VRK2: variants seen among roughly 807,000 people sequenced by gnomAD.
VRK2 encodes the protein serine/threonine-protein kinase VRK2.
In VRK2, 60 loss-of-function variants were observed where a neutral mutation model predicts 57.6. The ratio of observed to expected loss-of-function variants is 1.04; its 90% CI spans 0.85 to 1.29. The LOEUF is 1.29. VRK2 is among the 50% of genes most tolerant of loss of function. The pLI is 0.00. For synonymous variants in VRK2, 231 were observed against 199.2 expected (o/e 1.16, Z -1.35); for missense variants, 705 against 588.1 (o/e 1.20, Z -2.06).
chr2:58,130,394 GTTT>G lies in VRK2; in HGVS notation c.677-1411_677-1409del, dbSNP rs143087830. 4.3e-3 allele frequency among the ~76,000 whole-genome samples: 651 copies of G among 152,258 alleles called. 7 individuals carry two copies. Among genetic ancestry groups the G allele is most frequent in the African/African-American group, 0.015 (619 of 41,538 alleles). ...TACAGAACACTGTGGTAGAGATTGT[GTTT>G]TTATTTTAATATGAGAGCCAAGTCT... is the stretch of plus-strand genomic sequence containing the variant. On this transcript the variant is annotated intron_variant, in intron 8 of 12. Coordinates refer to ENST00000340157, the MANE Select transcript of VRK2 (RefSeq NM_006296.7).
intron 1 of VRK2, among the ~76,000 whole-genome samples, chr2:57,965,611 A>G (rs1671892764): frequency 6.6e-6 from 1 of 152,210 alleles, no homozygotes; most frequent in Non-Finnish European, 1.5e-5. Flanking sequence ...CTTAGTGAAT[A>G]CTTCCATTAT....
chr2:58,117,747 A>C (rs1156933547), intron 7 of VRK2, among the ~76,000 whole-genome samples: 1 of 152,174 alleles, frequency 6.6e-6, no homozygotes, highest in Non-Finnish European at 1.5e-5. Flanking sequence ...TATTGGGGTC[A>C]AGCGGCATTG....
intron 3 of VRK2, among the ~76,000 whole-genome samples, chr2:58,038,546 G>A (rs1674346715): frequency 6.6e-6 from 1 of 152,018 alleles, no homozygotes; most frequent in South Asian, 2.1e-4. Context: ...CCCGAGTGTA[G>A]GATAATTATT....
chr2:57,930,964 T>A (rs56796021), intron 1 of VRK2, among the ~76,000 whole-genome samples: 1 of 152,092 alleles, frequency 6.6e-6, no homozygotes, highest in African/African-American at 2.4e-5. Context: ...TACATATACA[T>A]GTACTGAGTA....
At chr2:58,141,379 A>G (rs1681304497) in intron 11 of VRK2, among the ~76,000 whole-genome samples, 1 of 151,994 alleles carries the variant, frequency 6.6e-6, no homozygotes, top group Non-Finnish European at 1.5e-5. Flanking sequence ...TCATCAAATT[A>G]AAGGGTGTTT....
intron 1 of VRK2, among the ~76,000 whole-genome samples, chr2:57,916,675 C>T (rs1670164971): frequency 6.6e-6 from 1 of 152,050 alleles, no homozygotes; most frequent in African/African-American, 2.4e-5. Context: ...TAATGCTTAG[C>T]TAATTAAGTA....
At chr2:58,113,795 C>A (rs191601568) in intron 7 of VRK2, among the ~76,000 whole-genome samples, 1 of 152,254 alleles carries the variant, frequency 6.6e-6, no homozygotes, top group African/African-American at 2.4e-5. Context: ...TTACTTAGGC[C>A]ATCTGGGCGT....
At chr2:58,137,993 C>T (rs1257040570) in intron 10 of VRK2, among the ~76,000 whole-genome samples, 1 of 152,086 alleles carries the variant, frequency 6.6e-6, no homozygotes, top group East Asian at 1.9e-4. Context: ...TCACTGGTAC[C>T]TCATTTTTCC....
chr2:58,055,494 C>T (rs1209925996), intron 2 of VRK2, among the ~76,000 whole-genome samples: 1 of 152,176 alleles, frequency 6.6e-6, no homozygotes, highest in Non-Finnish European at 1.5e-5. Flanking sequence ...ATTACTACTT[C>T]GTGTAGGGAA....
chr2:58,005,485 G>A (rs1186284728), intron 1 of VRK2, among the ~76,000 whole-genome samples: 2 of 151,818 alleles, frequency 1.3e-5, no homozygotes, highest in South Asian at 2.1e-4. Flanking sequence ...ATTATATGTT[G>A]CTTTTAATAA....
intron 3 of VRK2, among the ~76,000 whole-genome samples, chr2:58,036,960 A>T (rs1199017398): frequency 1.3e-5 from 2 of 151,536 alleles, no homozygotes; most frequent in Non-Finnish European, 2.9e-5. Context: ...TTTTTTTTTG[A>T]CAGAGTCTCA....
intron 12 of VRK2, among the ~76,000 whole-genome samples, chr2:58,149,582 A>G (rs1682687515): frequency 6.6e-6 from 1 of 151,572 alleles, no homozygotes; most frequent in African/African-American, 2.4e-5. Flanking sequence ...TACGTTGAAT[A>G]GAAGTTGTGA....
intron 1 of VRK2, among the ~76,000 whole-genome samples, chr2:57,946,424 G>GTACA (rs1271005206): frequency 1.3e-5 from 2 of 151,738 alleles, no homozygotes; most frequent in African/African-American, 4.8e-5. Flanking sequence ...GTACAATTCT[G>GTACA]ATTCAAACCC....
intron 7 of VRK2, among the ~76,000 whole-genome samples, chr2:58,097,375 T>A (rs960973454): frequency 6.6e-6 from 1 of 152,044 alleles, no homozygotes; most frequent in African/African-American, 2.4e-5. Context: ...TGTGTTTTCA[T>A]CTTGTTTTAT....
At chr2:58,155,722 C>G (rs1217744206) in intron 12 of VRK2, among the ~76,000 whole-genome samples, 9 of 151,480 alleles carry the variant, frequency 5.9e-5, no homozygotes, top group Non-Finnish European at 1.0e-4. Flanking sequence ...CCTCCCTCTT[C>G]ACCCCACCCT....
chr2:58,130,734 T>TA (rs1186042862), intron 8 of VRK2, among the ~76,000 whole-genome samples: 2 of 152,200 alleles, frequency 1.3e-5, no homozygotes, highest in Admixed American at 1.3e-4. Context: ...AACAGCCACT[T>TA]ACTGCTCTTA....
At chr2:58,114,299 C>G (rs911133971) in intron 7 of VRK2, among the ~76,000 whole-genome samples, 1 of 151,754 alleles carries the variant, frequency 6.6e-6, no homozygotes, top group Admixed American at 6.5e-5. Flanking sequence ...GGGATAGCAC[C>G]AGGAGATACC....
At chr2:58,118,725 A>G (rs1259841662) in intron 7 of VRK2, among the ~76,000 whole-genome samples, 1 of 152,228 alleles carries the variant, frequency 6.6e-6, no homozygotes, top group Non-Finnish European at 1.5e-5. Context: ...TGAAGAGACT[A>G]CCAAACAGGC....
Position 57,937,836 on chromosome 2 carries a change from T to A in VRK2, c.-439+29997T>A, listed in dbSNP as rs1011651902. ...ATTATTGTTTATCTTTCTTTTTTTTTTTTTTTTTTTTTTGAGGCGGAGTCT... is the reference window on the plus strand; with the variant it reads ...ATTATTGTTTATCTTTCTTTTTTTTATTTTTTTTTTTTTGAGGCGGAGTCT... On this transcript the variant is annotated intron_variant, in intron 1 of 15. Transcript: ENST00000417641. Among the ~76,000 whole-genome samples, 52 of 144,658 alleles carry A rather than the reference T, an allele frequency of 3.6e-4. 1 individual carries two copies. In the South Asian group the frequency reaches 0.011, roughly 31 times the overall value. 94.9% of individuals were successfully genotyped at this position (144,658 alleles called of 152,430 possible).
Sources: allele counts gnomAD v4.1 joint callset (sites outside exome capture counted in the v4.1 genomes callset), GRCh38; gene constraint gnomAD v4.1.1; transcripts MANE v1.5; gene names NCBI Gene and HGNC (gene_info 2026-07-23, HGNC 2026-07-21).